The following EFNA1 variants were observed in gnomAD, a reference collection of about 807,000 sequenced individuals.
EFNA1 encodes the protein ephrin-A1.
In EFNA1, 8 loss-of-function variants were observed where a neutral mutation model predicts 23.2. That is an observed-to-expected ratio of 0.34 (90% CI 0.20 to 0.62). The LOEUF (loss-of-function observed/expected upper bound fraction) is 0.62, where lower values mean the gene tolerates loss of function less well. EFNA1 is among the 20% of genes least tolerant of loss of function. The pLI is 0.75. For synonymous variants in EFNA1, 89 were observed against 98.6 expected (o/e 0.90, Z 0.58); for missense variants, 217 against 260.0 (o/e 0.83, Z 1.14).
chr1:155,133,660 G>C (rs558318083), intron 3 of EFNA1, 70 bp from the exon 4 acceptor site: 124 of 1,607,812 alleles, frequency 7.7e-5, no homozygotes, highest in Admixed American at 4.3e-4. Flanking sequence ...TTGCAGCCCA[G>C]CCCACTCATA....
rs1664339972 is a variant in EFNA1 at position 155,134,704 on chromosome 1, A to G, written c.*637A>G. The G allele has an allele frequency of 6.1e-6, 1 of 164,188 alleles. No homozygotes were observed. Among genetic ancestry groups the G allele is most frequent in the Admixed American group, 5.4e-5 (1 of 18,426 alleles). The allele number at this position is 164,188 out of a possible 1,614,324, so 10.2% of individuals were successfully genotyped here. A position where few individuals can be genotyped will look rare whatever the true frequency, so the allele number is the denominator to read the frequency against. ...GAGTGTAGCTGTAAGGGCAGTGCCC[A>G]TGTGTACATTCTGCCTAGAGTGTAG... On this transcript the variant is annotated 3_prime_UTR_variant, in exon 5 of 5. Transcript: ENST00000368407.
chr1:155,129,316 G>T (rs958207350), intron 1 of EFNA1, among the ~76,000 whole-genome samples: 1 of 152,126 alleles, frequency 6.6e-6, no homozygotes, highest in Non-Finnish European at 1.5e-5. Context: ...CATGAGTAGG[G>T]AGGGGGGGAC....
chr1:155,134,415 G>A lies in EFNA1; in HGVS notation c.*348G>A, dbSNP rs1571688683. 5 of 323,028 alleles carry A rather than the reference G, an allele frequency of 1.5e-5. No homozygotes were observed. In the East Asian group the frequency reaches 3.0e-4, roughly 19 times the overall value. 20.0% of individuals were successfully genotyped at this position (323,028 alleles called of 1,614,324 possible). ...GAGCTGGAAGGGGCCACGTGGATGG[G>A]CAAAGCTTGTCAAAGATGCCCCCTC... On this transcript the variant is annotated 3_prime_UTR_variant, in exon 5 of 5. Coordinates refer to ENST00000368407, the MANE Select transcript of EFNA1 (RefSeq NM_004428.3).
In EFNA1 at chr1:155,133,504, C is replaced by T. The variant is rs769691599; in HGVS notation, c.390C>T (p.Ser130=). The part of the protein sequence containing the change: ...FKEGHSYYYI[S]KPIHQHEDRC... ...AACCCCTGTGGGCTTATCTTGCAGC[C>T]AAACCCATCCACCAGCATGAAGACC... The change falls in exon 3 of 5, where the codon TCC becomes TCT. Residue 130 remains serine, a splice_region_variant and synonymous_variant. Transcript: ENST00000368407. The T allele has an allele frequency of 1.2e-5, 19 of 1,614,140 alleles. No homozygotes were observed. The South Asian group carries it at 2.0e-4, about 17-fold the overall frequency.
At chr1:155,129,001 C>T (rs1392004922) in intron 1 of EFNA1, among the ~76,000 whole-genome samples, 1 of 152,210 alleles carries the variant, frequency 6.6e-6, no homozygotes. Context: ...CCCTAGCAAG[C>T]TTGCCCCCCA....
intron 1 of EFNA1, among the ~76,000 whole-genome samples, chr1:155,128,528 C>G (rs1664147807): frequency 6.6e-6 from 1 of 152,188 alleles, no homozygotes; most frequent in South Asian, 2.1e-4. Context: ...AAGGACCTCT[C>G]AGGAGAGAGC....
Position 155,128,163 on chromosome 1 carries a change from A to G in EFNA1, c.92+94A>G. On this transcript the variant is annotated intron_variant, in intron 1 of 4. Transcript: ENST00000368407. ...CGGCCAAACCCTGAGCTGAGCCTAG[A>G]GTAGATGACCGAGGTAGGAGGGCGG... The G allele has an allele frequency of 1.1e-5, 12 of 1,131,802 alleles. No homozygotes were observed. In the South Asian group the frequency reaches 1.5e-4, roughly 14 times the overall value. 70.1% of individuals were successfully genotyped at this position (1,131,802 alleles called of 1,614,324 possible). A position where few individuals can be genotyped will look rare whatever the true frequency, so the allele number is the denominator to read the frequency against.
chr1:155,130,592 GA>G, intron 1 of EFNA1: 2 of 985,352 alleles, frequency 2.0e-6, no homozygotes, highest in Non-Finnish European at 2.4e-6. Flanking sequence ...GTGGCTTTTA[GA>G]GATAAAAGGA....
chr1:155,131,402 G>C lies in EFNA1; in HGVS notation c.156G>C (p.Pro52=), dbSNP rs376532577. 43 of 1,614,004 alleles carry C rather than the reference G, an allele frequency of 2.7e-5. No individual in the cohort carries two copies. Among genetic ancestry groups the C allele is most frequent in the Non-Finnish European group, 3.6e-5 (42 of 1,180,032 alleles). ...ATGACTACGTGGACATCATCTGTCC[G>C]CACTATGAAGATCACTCTGTGGCAG... The part of the protein sequence containing the change: ...QLNDYVDIIC[P]HYEDHSVADA... The change falls in exon 2 of 5, where the codon CCG becomes CCC. Residue 52 remains proline (P), a synonymous_variant. Coordinates refer to ENST00000368407, the MANE Select transcript of EFNA1 (RefSeq NM_004428.3).
intron 1 of EFNA1, chr1:155,129,492 G>A (rs915360180): frequency 6.5e-6 from 1 of 152,794 alleles, no homozygotes; most frequent in South Asian, 2.1e-4. Context: ...CAGGAGAGGG[G>A]GCTGATGGGT....
chr1:155,128,159 CTAGAG>C, intron 1 of EFNA1, 90 bp downstream of exon 1: 1 of 1,204,654 alleles, frequency 8.3e-7, no homozygotes, highest in African/African-American at 1.5e-5. Flanking sequence ...TGAGCTGAGC[CTAGAG>C]TAGATGACCG....
rs1664133796 is a variant in EFNA1, at chr1:155,127,911, A to G, written c.-67A>G. On this transcript the variant is annotated 5_prime_UTR_variant, in exon 1 of 5. Coordinates refer to ENST00000368407, the MANE Select transcript of EFNA1 (RefSeq NM_004428.3). The surrounding 1 kb of genome is among the most constrained non-coding windows in gnomAD (Gnocchi z 4.4). ...GCCCAGCGCTGACTGCGCCGCGGAG[A>G]AAGCCAGTGGGAACCCAGACCCATA... 3.3e-5 allele frequency: 42 copies of G among 1,283,166 alleles called. No homozygotes were observed. Among genetic ancestry groups the G allele is most frequent in the Non-Finnish European group, 4.5e-5 (41 of 908,168 alleles). The allele number at this position is 1,283,166 out of a possible 1,614,324, so 79.5% of individuals were successfully genotyped here.
chr1:155,134,135 C>A lies in EFNA1; in HGVS notation c.*68C>A. 1 of 1,488,594 alleles carries A rather than the reference C, an allele frequency of 6.7e-7. No homozygotes were observed. Among genetic ancestry groups the A allele is most frequent in the Non-Finnish European group, 9.2e-7 (1 of 1,086,382 alleles). The allele number at this position is 1,488,594 out of a possible 1,614,324, so 92.2% of individuals were successfully genotyped here. The stretch of plus-strand genomic sequence containing the variant: ...AGAGGGACAGGCACTCCAAACCTGT[C>A]TTGGGGCCACTTTCAGAGCCCCCAG... On this transcript the variant is annotated 3_prime_UTR_variant, in exon 5 of 5. Coordinates refer to ENST00000368407, the MANE Select transcript of EFNA1 (RefSeq NM_004428.3).
intron 3 of EFNA1, 40 bp downstream of exon 3, chr1:155,133,608 T>C: frequency 6.2e-7 from 1 of 1,612,100 alleles, no homozygotes; most frequent in Non-Finnish European, 8.5e-7. Flanking sequence ...CCTCCATCTC[T>C]ATGCTGGGTG....
chr1:155,128,232 A>G (rs1478632692), intron 1 of EFNA1, among the ~76,000 whole-genome samples, 163 bp downstream of exon 1: 2 of 151,390 alleles, frequency 1.3e-5, no homozygotes, highest in East Asian at 2.0e-4. Flanking sequence ...ATCTGGGAGC[A>G]CCCCACCCCG....
In EFNA1 at chr1:155,131,528, G is replaced by A; in HGVS notation, c.282G>A (p.Arg94=). The A allele has an allele frequency of 6.2e-7, 1 of 1,613,592 alleles. No individual in the cohort carries two copies. The highest frequency in any genetic ancestry group is 8.5e-7 in the Non-Finnish European group (1 of 1,179,814). The change falls in exon 2 of 5, where the codon CGG becomes CGA. Residue 94 remains arginine (R), a synonymous_variant. Coordinates refer to ENST00000368407, the MANE Select transcript of EFNA1 (RefSeq NM_004428.3). ...SKDQVRWQCN[R]PSAKHGPEKL... ...ACCAAGTCCGCTGGCAGTGCAACCG[G>A]CCCAGTGCCAAGCATGGCCCGGAGA...
chr1:155,130,928 G>A (rs1664228431), intron 1 of EFNA1: 34 of 985,254 alleles, frequency 3.5e-5, no homozygotes, highest in Middle Eastern at 5.2e-4. Flanking sequence ...ACCTGTGGGG[G>A]TCTCAGATTG....
intron 1 of EFNA1, 90 bp downstream of exon 1, chr1:155,128,159 C>G (rs1436783737): frequency 8.3e-7 from 1 of 1,204,534 alleles, no homozygotes; most frequent in African/African-American, 1.5e-5. Context: ...TGAGCTGAGC[C>G]TAGAGTAGAT....
At chr1:155,130,567 G>A (rs1664218413) in intron 1 of EFNA1, 5 of 985,276 alleles carry the variant, frequency 5.1e-6, no homozygotes, top group Non-Finnish European at 4.8e-6. Context: ...ATTTCATCTA[G>A]GGGGAGGTGG....
Sources: gnomAD v4.1 joint callset for allele counts (sites outside exome capture counted in the v4.1 genomes callset) on GRCh38, gnomAD v4.1.1 for gene constraint, Gnocchi (gnomAD v3.1) non-coding constraint, MANE v1.5 for transcripts, NCBI Gene and HGNC (gene_info 2026-07-23, HGNC 2026-07-21) for gene names.